Variants in CNGB1 observed in about 807,000 individuals in gnomAD.
The protein encoded by CNGB1 is cyclic nucleotide-gated channel beta-1.
In CNGB1, 126 loss-of-function variants were observed where a neutral mutation model predicts 151.7. The ratio of observed to expected loss-of-function variants is 0.83; its 90% CI spans 0.72 to 0.96. The LOEUF is 0.96. CNGB1 is among the 40% of genes least tolerant of loss of function. The pLI is 0.00. For missense variants in CNGB1, 1,698 were observed against 1,627.0 expected (o/e 1.04, Z -0.75); for synonymous variants, 623 against 635.1 (o/e 0.98, Z 0.29).
At chr16:57,954,783 C>G in intron 12 of CNGB1, 1 of 989,334 alleles carries the variant, frequency 1.0e-6, no homozygotes, top group Non-Finnish European at 1.2e-6. Context: ...TAGGGAGAAC[C>G]TCTTCTGGGA....
At chr16:57,901,907 T>A (rs1244307405) in intron 27 of CNGB1, among the ~76,000 whole-genome samples, 5 of 152,198 alleles carry the variant, frequency 3.3e-5, no homozygotes, top group African/African-American at 1.2e-4. Flanking sequence ...TCCCTTGACA[T>A]CCTCCACTCA....
chr16:57,952,118 G>A (rs2149382490), intron 12 of CNGB1, among the ~76,000 whole-genome samples: 1 of 152,386 alleles, frequency 6.6e-6, no homozygotes, highest in Non-Finnish European at 1.5e-5. Context: ...GTTCCTGCCT[G>A]GGCATAGCAG....
rs746465669 is a variant in CNGB1 at position 57,916,157 on chromosome 16, T to C, written c.2189A>G (p.Asn730Ser). The change falls in exon 22 of 33, where the codon AAT becomes AGT. Residue 730 changes from asparagine to serine, a missense_variant. Physicochemically the swap from Asn to Ser is conservative, Grantham distance 46. Coordinates refer to ENST00000251102, the MANE Select transcript of CNGB1 (RefSeq NM_001297.5). ...GAAGCGGCGAGACTTCAGGTAGTTA[T>C]TTCGCATGTCCTTTTTGTCCGTCTG... ...DIITDKKDMRNNYLKSRRFKM... is the reference protein window; with the variant it reads ...DIITDKKDMRSNYLKSRRFKM... 1.2e-5 allele frequency: 20 copies of C among 1,614,056 alleles called. No individual in the cohort carries two copies. The South Asian group carries it at 1.8e-4, about 14-fold the overall frequency.
chr16:57,964,218 T>C lies in CNGB1; in HGVS notation c.218-16A>G. ...TCCTTGGTCTCTGGAAAAGAATCTC[T>C]CATCCTTCAGATCTAGGGCCTCAGA... On this transcript the variant is annotated splice_polypyrimidine_tract_variant and intron_variant, in intron 3 of 32. Coordinates refer to ENST00000251102, the MANE Select transcript of CNGB1 (RefSeq NM_001297.5). The C allele has an allele frequency of 6.2e-7, 1 of 1,613,198 alleles. No homozygotes were observed. Among genetic ancestry groups the C allele is most frequent in the Non-Finnish European group, 8.5e-7 (1 of 1,179,184 alleles).
intron 13 of CNGB1, 88 bp from the exon 14 acceptor site, chr16:57,949,527 C>T (rs1961897645): frequency 6.3e-7 from 1 of 1,596,954 alleles, no homozygotes; most frequent in Non-Finnish European, 8.5e-7. Context: ...TAGGATGTCC[C>T]ATGACACCTG....
intron 14 of CNGB1, among the ~76,000 whole-genome samples, chr16:57,946,005 T>A (rs1352268623): frequency 6.6e-6 from 1 of 152,138 alleles, no homozygotes; most frequent in Non-Finnish European, 1.5e-5. Context: ...CTAGGGGCCA[T>A]GTTACCAAAG....
chr16:57,906,263 G>A (rs1431557726), intron 25 of CNGB1, among the ~76,000 whole-genome samples: 1 of 152,186 alleles, frequency 6.6e-6, no homozygotes, highest in African/African-American at 2.4e-5. Context: ...GCAATAGAAT[G>A]TCCCTTACAG....
intron 14 of CNGB1, among the ~76,000 whole-genome samples, chr16:57,945,757 T>C (rs1279451539): frequency 1.3e-5 from 2 of 152,204 alleles, no homozygotes; most frequent in Non-Finnish European, 2.9e-5. Flanking sequence ...GATGAGAGAA[T>C]AATAGAATCT....
rs1030639886 is a variant in CNGB1 at position 57,934,659 on chromosome 16, T to A, written c.1373-2781A>T. ...AGACAAGGCAAAGTATAACCTAGAA[T>A]AAGAATGTTACTCCTGGTCGGGCGC... On this transcript the variant is annotated intron_variant, in intron 16 of 32. Coordinates refer to ENST00000251102, the MANE Select transcript of CNGB1 (RefSeq NM_001297.5). Among the ~76,000 whole-genome samples the A allele has an allele frequency of 5.8e-4, 88 of 151,592 alleles. 1 individual carries two copies. Among genetic ancestry groups the A allele is most frequent in the African/African-American group, 1.9e-3 (79 of 41,368 alleles).
intron 17 of CNGB1, among the ~76,000 whole-genome samples, chr16:57,927,536 C>T (rs1459404086): frequency 5.3e-5 from 8 of 152,242 alleles, no homozygotes; most frequent in African/African-American, 1.7e-4. Flanking sequence ...ATGTCAGCCT[C>T]ATGAGGGCAG....
At position 57,967,130 on chromosome 16, in the gene CNGB1, T is replaced by A; in HGVS notation, c.157A>T (p.Met53Leu). 6.2e-7 allele frequency: 1 copy of A among 1,614,170 alleles called. No homozygotes were observed. ...PEEAETESES[M>L]PPEESFKEEE... is the part of the protein sequence containing the mutation. ...CCTCCTCCCGCTCTACCTCTCACCA[T>A]GGACTCGGACTCTGTCTCGGCCTCC... Residue 53 changes from methionine (M) to leucine (L), a missense_variant and splice_region_variant, in exon 2 of 33, where the codon ATG (methionine) becomes TTG (leucine). Transcript: ENST00000251102.
intron 14 of CNGB1, among the ~76,000 whole-genome samples, chr16:57,943,398 G>A (rs1386095892): frequency 1.3e-5 from 2 of 152,166 alleles, no homozygotes; most frequent in African/African-American, 4.8e-5. Context: ...TAGGCCGGGT[G>A]CAGTGGCTCA....
Position 57,963,047 on chromosome 16 carries a change from A to G in CNGB1, c.308T>C (p.Leu103Pro). The G allele has an allele frequency of 2.5e-6, 4 of 1,613,282 alleles. No individual in the cohort carries two copies. Among genetic ancestry groups the G allele is most frequent in the Non-Finnish European group, 3.4e-6 (4 of 1,179,946 alleles). ...SEMNSPSRRV[L>P]TWLMKGVEKV... ...CTCTACGCCCTTCATGAGCCAGGTC[A>G]GTACCCTGCGGCTGGGACTGCGATG... The change falls in exon 5 of 33, where the codon CTG becomes CCG. Residue 103 changes from leucine to proline, a missense_variant. Coordinates refer to ENST00000251102, the MANE Select transcript of CNGB1 (RefSeq NM_001297.5).
intron 25 of CNGB1, among the ~76,000 whole-genome samples, chr16:57,911,551 A>G (rs144166500): frequency 3.5e-4 from 54 of 152,330 alleles, no homozygotes; most frequent in African/African-American, 1.2e-3. Context: ...GGCCTCCCAA[A>G]GTGCTGGGGT....
Position 57,940,219 on chromosome 16 carries a change from T to A in CNGB1, c.1209+15A>T. 1 of 1,558,028 alleles carries A rather than the reference T, an allele frequency of 6.4e-7. No homozygotes were observed. On this transcript the variant is annotated intron_variant, in intron 15 of 32. Coordinates refer to ENST00000251102, the MANE Select transcript of CNGB1 (RefSeq NM_001297.5). ...GCCAGGCCTCAGAGGTGCCAGTGCC[T>A]GGTGCTTCTCATACCTGATCTGAAG...
chr16:57,903,180 T>G (rs1376880860), intron 27 of CNGB1, among the ~76,000 whole-genome samples: 1 of 147,662 alleles, frequency 6.8e-6, no homozygotes, highest in Non-Finnish European at 1.5e-5. Context: ...AGAAAGTCCT[T>G]CTTCCTTTTT....
intron 25 of CNGB1, among the ~76,000 whole-genome samples, chr16:57,909,345 A>G (rs1960643924): frequency 6.6e-6 from 1 of 152,074 alleles, no homozygotes; most frequent in South Asian, 2.1e-4. Context: ...GGACCTCTCT[A>G]TAAACTTCAA....
intron 27 of CNGB1, 60 bp downstream of exon 27, chr16:57,903,755 TGGCACCG>T: frequency 2.5e-6 from 4 of 1,582,348 alleles, no homozygotes; most frequent in Non-Finnish European, 3.5e-6. Flanking sequence ...CCCGAAGGCA[TGGCACCG>T]GGCACCAGGC....
rs1010210895 is a variant in CNGB1, at chr16:57,949,260, A to G, written c.1121+93T>C. ...TACACAGCACAGAACAACAGAAAGG[A>G]GCTCCCATGAGCAGCAAAGAGTGCC... On this transcript the variant is annotated intron_variant, in intron 14 of 32. Transcript: ENST00000251102. The G allele has an allele frequency of 2.5e-6, 4 of 1,594,964 alleles. No homozygotes were observed. The African/African-American group carries it at 4.0e-5, about 16-fold the overall frequency.
Sources: gnomAD v4.1 joint callset for allele counts (sites outside exome capture counted in the v4.1 genomes callset) on GRCh38, gnomAD v4.1.1 for gene constraint, MANE v1.5 for transcripts, NCBI Gene and HGNC (gene_info 2026-07-23, HGNC 2026-07-21) for gene names.